Variants in NBPF20 observed in about 807,000 individuals in gnomAD.
NBPF20 encodes the protein NBPF member 20, also known as NBPF family member NBPF20.
NBPF20 carries 90 observed loss-of-function variants against 68.1 expected under a neutral mutation model. The ratio of observed to expected loss-of-function variants is 1.32; its 90% CI spans 1.11 to 1.58. The LOEUF is 1.58. Ranked by LOEUF, NBPF20 falls within the 40% of genes most tolerant of loss-of-function variation. The pLI is 0.00. For missense variants in NBPF20, 816 were observed against 601.2 expected, an observed-to-expected ratio of 1.36 and a Z score of -3.74; for synonymous variants, 290 against 228.1, an observed-to-expected ratio of 1.27 and a Z score of -2.45.
At chr1:145,411,416 G>T in the NBPF20 span, among the ~76,000 whole-genome samples, 1 of 102,626 alleles carries the variant, frequency 9.7e-6, no homozygotes, top group African/African-American at 3.8e-5. Context: ...TTTTGAGACA[G>T]AGTCTTGCTC....
In NBPF20 at chr1:145,393,937, T is replaced by C. The variant is rs1662079200; in HGVS notation, c.992-2A>G. ...TTTTCACTTGATCCCACCGATGTCCTGCAAATAAATTCAGATGGGCCCTCT... is the reference window on the plus strand; with the variant it reads ...TTTTCACTTGATCCCACCGATGTCCCGCAAATAAATTCAGATGGGCCCTCT... On this transcript the variant is annotated splice_acceptor_variant, in intron 8 of 137. Transcript: ENST00000369373. LOFTEE classifies it high-confidence loss of function. 5 of 1,354,556 alleles carry C rather than the reference T, an allele frequency of 3.7e-6. No individual in the cohort carries two copies. The highest frequency in any genetic ancestry group is 3.1e-6 in the Non-Finnish European group (3 of 957,366). 83.9% of individuals were successfully genotyped at this position (1,354,556 alleles called of 1,614,324 possible).
chr1:145,291,641 T>G, exon 138 of NBPF20: 2 of 1,611,850 alleles, frequency 1.2e-6, no homozygotes, highest in Middle Eastern at 2.3e-4. Context: ...CTCAAATGAG[T>G]AAAACACACT....
chr1:145,303,136 A>T, intron 123 of NBPF20, among the ~76,000 whole-genome samples: 1 of 4,216 alleles, frequency 2.4e-4, no homozygotes, highest in Middle Eastern at 0.031. Context: ...ACACACAGAG[A>T]GAGAGAGAAC....
At chr1:145,393,405 G>T (rs1553662596) in intron 9 of NBPF20, among the ~76,000 whole-genome samples, 159 bp from the exon 15 acceptor site, 1 of 151,580 alleles carries the variant, frequency 6.6e-6, no homozygotes, top group African/African-American at 2.4e-5. Flanking sequence ...GGATAGACTA[G>T]GGCCAGGTAG....
chr1:145,397,311 A>G (rs1424980299), intron 7 of NBPF20, among the ~76,000 whole-genome samples: 1 of 152,252 alleles, frequency 6.6e-6, no homozygotes, highest in South Asian at 2.1e-4. Context: ...GTCAAATGGT[A>G]TTTCTAGTTC....
At chr1:145,411,371 A>G in the NBPF20 span, among the ~76,000 whole-genome samples, 1 of 149,546 alleles carries the variant, frequency 6.7e-6, no homozygotes, top group Admixed American at 6.6e-5. Context: ...GCCTTACATA[A>G]ATTTTGTTGA....
At chr1:145,407,768 C>T (rs587600936), upstream of NBPF20, 1 of 153,860 alleles carries the variant, frequency 6.5e-6, no homozygotes, top group Non-Finnish European at 1.5e-5. Flanking sequence ...AGGTGGACAC[C>T]TCCATCTACA....
At chr1:145,405,330 T>A in intron 1 of NBPF20, 23 bp from the exon 7 acceptor site, 1 of 1,493,026 alleles carries the variant, frequency 6.7e-7, no homozygotes. Flanking sequence ...AACCCAAACA[T>A]ATGATGGGTT....
At chr1:145,424,864 A>C in the NBPF20 span, among the ~76,000 whole-genome samples, 57 of 152,240 alleles carry the variant, frequency 3.7e-4, no homozygotes, top group Admixed American at 7.2e-4. Flanking sequence ...CATGTGCATC[A>C]TGGACTTGGT....
rs782500064 is a variant in NBPF20 at position 145,291,787 on chromosome 1, A to C, written c.16698-18T>G. On this transcript the variant is annotated intron_variant, in intron 137 of 137. Coordinates refer to ENST00000369373, the Ensembl canonical transcript of NBPF20. ...CGTTGAGCCTGGAAAAGGAGACAAA[A>C]CTAAAGAAGCAGCCAGGGAAAATCA... 1.9e-6 allele frequency: 3 copies of C among 1,612,014 alleles called. No homozygotes were observed. Among genetic ancestry groups the C allele is most frequent in the East Asian group, 4.5e-5 (2 of 44,890 alleles).
At chr1:145,400,880 G>A (rs1388310239) in intron 5 of NBPF20, among the ~76,000 whole-genome samples, 179 bp downstream of exon 10, 9 of 151,822 alleles carry the variant, frequency 5.9e-5, no homozygotes, top group East Asian at 5.8e-4. Flanking sequence ...CGTGACACTC[G>A]GCACACACAG....
intron 137 of NBPF20, 87 bp from the exon 143 acceptor site, chr1:145,291,856 G>T (rs1300309385): frequency 1.2e-6 from 2 of 1,608,008 alleles, no homozygotes; most frequent in Non-Finnish European, 1.7e-6. Context: ...ACATAAGGAA[G>T]TGGTTAGAAA....
At chr1:145,396,862 C>T (rs1662272076) in intron 7 of NBPF20, among the ~76,000 whole-genome samples, 1 of 137,094 alleles carries the variant, frequency 7.3e-6, no homozygotes, top group Non-Finnish European at 1.6e-5. Flanking sequence ...TGGTGTGCTT[C>T]ACCCATTAAC....
intron 9 of NBPF20, 119 bp downstream of exon 14, chr1:145,393,765 C>A: frequency 6.7e-7 from 1 of 1,499,658 alleles, no homozygotes; most frequent in Non-Finnish European, 9.2e-7. Context: ...ATGTAGTAGG[C>A]ATAATTCAGA....
At chr1:145,291,381 C>T (rs1353182847) in exon 138 of NBPF20, 6 of 1,562,888 alleles carry the variant, frequency 3.8e-6, no homozygotes, top group Admixed American at 3.6e-5. Flanking sequence ...TTGCCACTGG[C>T]ATGGTTTGAG....
chr1:145,398,342 G>A lies in NBPF20; in HGVS notation c.827+707C>T, dbSNP rs1168192140. 4.8e-3 allele frequency among the ~76,000 whole-genome samples: 734 copies of A among 151,620 alleles called. 2 individuals are homozygous for A. The highest frequency in any genetic ancestry group is 7.0e-3 in the Non-Finnish European group (476 of 67,954). ...CCACATAGTTGGAGGTAAAGCACTCGTCAGCAAATGTAAAAGAATGGAAAT... is the reference window on the plus strand; with the variant it reads ...CCACATAGTTGGAGGTAAAGCACTCATCAGCAAATGTAAAAGAATGGAAAT... On this transcript the variant is annotated intron_variant, in intron 7 of 137. Coordinates refer to ENST00000369373, the Ensembl canonical transcript of NBPF20.
intron 2 of NBPF20, 126 bp downstream of exon 7, chr1:145,404,972 A>G (rs1215264040): frequency 5.3e-6 from 7 of 1,330,786 alleles, no homozygotes. Context: ...AAATGTTAAA[A>G]TACCCATTTC....
chr1:145,292,663 T>G (rs587636596), intron 136 of NBPF20, among the ~76,000 whole-genome samples, 174 bp from the exon 142 acceptor site: 1 of 147,476 alleles, frequency 6.8e-6, no homozygotes, highest in East Asian at 1.9e-4. Context: ...TTCCTCGGTT[T>G]TTCTCCCAGA....
Position 145,394,040 on chromosome 1 carries a change from G to C in NBPF20, c.992-105C>G, listed in dbSNP as rs1400031361. 3.9e-6 allele frequency: 3 copies of C among 764,170 alleles called. No homozygotes were observed. In the South Asian group the frequency reaches 4.1e-5, roughly 10 times the overall value. The allele number at this position is 764,170 out of a possible 1,614,324, so 47.3% of individuals were successfully genotyped here. The stretch of plus-strand genomic sequence containing the variant: ...ACACAGGGACATCAGTCTTGTCAGT[G>C]TGAGAACAGGAGACTTTGAGAGAAA... On this transcript the variant is annotated intron_variant, in intron 8 of 137. Transcript: ENST00000369373.
Sources: gnomAD v4.1 joint callset for allele counts (sites outside exome capture counted in the v4.1 genomes callset) on GRCh38, gnomAD v4.1.1 for gene constraint, MANE v1.5 for transcripts, NCBI Gene and HGNC (gene_info 2026-07-23, HGNC 2026-07-21) for gene names.